TBC1D32: variants seen among roughly 807,000 people sequenced by gnomAD.
The protein encoded by TBC1D32 is protein broad-minded.
TBC1D32 carries 151 observed loss-of-function variants against 170.3 expected under a neutral mutation model. The observed-to-expected ratio is 0.89, with a 90% CI of 0.78 to 1.01. TBC1D32 has a LOEUF of 1.01. Among genes scored for constraint, TBC1D32 ranks in the 50% least tolerant of loss-of-function variants. The pLI, the probability that TBC1D32 is intolerant of heterozygous loss-of-function variation, is 0.00. For missense variants in TBC1D32, 1,464 were observed against 1,457.1 expected (o/e 1.00, Z -0.08); for synonymous variants, 498 against 488.0 (o/e 1.02, Z -0.27).
chr6:121,326,482 T>C (rs1299202201), intron 1 of TBC1D32, among the ~76,000 whole-genome samples: 1 of 152,228 alleles, frequency 6.6e-6, no homozygotes, highest in Admixed American at 6.5e-5. Flanking sequence ...TTATTATTTG[T>C]CATTTTAAAA....
At chr6:121,308,686 C>CTTTTTTTTT (rs67847088) in intron 4 of TBC1D32, among the ~76,000 whole-genome samples, 1,467 of 112,224 alleles carry the variant, frequency 0.013, 27 homozygotes, top group East Asian at 0.04. Flanking sequence ...AAGCTTACTT[C>CTTTTTTTTT]TTTTTTTTTT....
At chr6:121,175,764 G>A (rs1476619750) in intron 22 of TBC1D32, among the ~76,000 whole-genome samples, 1 of 152,056 alleles carries the variant, frequency 6.6e-6, no homozygotes, top group African/African-American at 2.4e-5. Context: ...AACAGGAAAA[G>A]CATTCCCATT....
At chr6:121,100,976 A>G (rs182014762) in intron 30 of TBC1D32, among the ~76,000 whole-genome samples, 202 of 152,294 alleles carry the variant, frequency 1.3e-3, no homozygotes, top group African/African-American at 4.7e-3. Context: ...CAAATAAACT[A>G]GAAAATCTAG....
intron 1 of TBC1D32, among the ~76,000 whole-genome samples, chr6:121,326,323 T>C (rs77067763): frequency 0.012 from 1,883 of 152,186 alleles, 39 homozygotes; most frequent in African/African-American, 0.043. Flanking sequence ...ATAGTAACAA[T>C]AATACATTAT....
At chr6:121,179,636 A>G (rs760996415) in intron 22 of TBC1D32, among the ~76,000 whole-genome samples, 7 of 152,164 alleles carry the variant, frequency 4.6e-5, no homozygotes, top group Non-Finnish European at 1.0e-4. Context: ...AAATATTTTA[A>G]AGACGTGCAT....
chr6:121,263,523 C>A (rs900243813), intron 15 of TBC1D32, among the ~76,000 whole-genome samples: 7 of 152,122 alleles, frequency 4.6e-5, no homozygotes, highest in Admixed American at 3.3e-4. Flanking sequence ...CAATATGAGA[C>A]AGTGGGGTAT....
chr6:121,119,227 T>A lies in TBC1D32; in HGVS notation c.2984-3986A>T, dbSNP rs374617355. Reference sequence around the variant, plus strand: ...CCAAGTAGCCAGCTGAAAAACTGTTTCTTTTATTTTCTACCTTACTATATG... The same window carrying A: ...CCAAGTAGCCAGCTGAAAAACTGTTACTTTTATTTTCTACCTTACTATATG... On this transcript the variant is annotated intron_variant, in intron 26 of 31. Transcript: ENST00000398212. Among the ~76,000 whole-genome samples the A allele has an allele frequency of 1.7e-4, 26 of 152,302 alleles. 1 individual carries two copies. In the South Asian group the frequency reaches 3.5e-3, roughly 21 times the overall value.
chr6:121,118,556 T>G (rs376777409), intron 26 of TBC1D32, among the ~76,000 whole-genome samples: 3 of 152,164 alleles, frequency 2.0e-5, no homozygotes, highest in African/African-American at 7.2e-5. Context: ...GTAGAAGAAA[T>G]TAAATCTATT....
At chr6:121,100,207 T>C (rs1582766556) in intron 30 of TBC1D32, among the ~76,000 whole-genome samples, 1 of 152,096 alleles carries the variant, frequency 6.6e-6, no homozygotes. Flanking sequence ...AATTTTGGAA[T>C]AAGTGCGATG....
chr6:121,128,427 C>G (rs1461004497), intron 25 of TBC1D32, among the ~76,000 whole-genome samples: 1 of 152,152 alleles, frequency 6.6e-6, no homozygotes, highest in Non-Finnish European at 1.5e-5. Context: ...AACAGCCTCA[C>G]TGTCAACCCA....
intron 31 of TBC1D32, among the ~76,000 whole-genome samples, chr6:121,085,334 TAC>T (rs1354340034): frequency 1.6e-5 from 2 of 128,432 alleles, no homozygotes; most frequent in East Asian, 2.4e-4. Context: ...TATATATACA[TAC>T]ATATATATAC....
At chr6:121,153,532 T>A (rs1365402911) in intron 24 of TBC1D32, among the ~76,000 whole-genome samples, 1 of 152,132 alleles carries the variant, frequency 6.6e-6, no homozygotes, top group Non-Finnish European at 1.5e-5. Flanking sequence ...TGCTTGGAGA[T>A]CCACTCCTCT....
At chr6:121,208,697 G>GA (rs2128308845) in intron 21 of TBC1D32, among the ~76,000 whole-genome samples, 1 of 112,168 alleles carries the variant, frequency 8.9e-6, no homozygotes, top group African/African-American at 3.2e-5. Flanking sequence ...GCACAAACTG[G>GA]ATTTATGTAG....
At chr6:121,205,298 T>TAAGAAG (rs774298734) in intron 21 of TBC1D32, 135 bp from the exon 22 acceptor site, 2 of 464,382 alleles carry the variant, frequency 4.3e-6, no homozygotes, top group African/African-American at 4.1e-5. Flanking sequence ...CTGTAAATAA[T>TAAGAAG]AAGAAGAAGA....
At position 121,170,514 on chromosome 6, in the gene TBC1D32, T is replaced by C. The variant is rs1465394673; in HGVS notation, c.2571-9458A>G. On this transcript the variant is annotated intron_variant, in intron 22 of 31. Coordinates refer to ENST00000398212, the MANE Select transcript of TBC1D32 (RefSeq NM_152730.6). ...AGAAGAGTGTCCAGATCACAGCATA[T>C]CACACTTAATAACCTATATAAAAAA... is the stretch of plus-strand genomic sequence containing the variant. The C allele has an allele frequency of 2.5e-6, 4 of 1,586,302 alleles. No homozygotes were observed. In the Admixed American group the frequency reaches 7.3e-5, roughly 29 times the overall value.
chr6:121,281,030 T>C (rs2128444705), intron 14 of TBC1D32, among the ~76,000 whole-genome samples: 1 of 151,962 alleles, frequency 6.6e-6, no homozygotes, highest in South Asian at 2.1e-4. Context: ...TCAGCCTCAG[T>C]TGTGATTATT....
At chr6:121,307,307 T>C (rs1354321141) in intron 5 of TBC1D32, among the ~76,000 whole-genome samples, 1 of 151,910 alleles carries the variant, frequency 6.6e-6, no homozygotes, top group Admixed American at 6.6e-5. Flanking sequence ...GTTTGGGAGG[T>C]TGAGGCTGAA....
At chr6:121,318,198 C>T (rs1261112466) in intron 2 of TBC1D32, among the ~76,000 whole-genome samples, 9 of 151,992 alleles carry the variant, frequency 5.9e-5, no homozygotes, top group East Asian at 3.9e-4. Context: ...AAGCTATCAA[C>T]GTGTCCTTTC....
chr6:121,096,629 A>AT (rs1178931365), intron 30 of TBC1D32, among the ~76,000 whole-genome samples: 2 of 152,184 alleles, frequency 1.3e-5, no homozygotes, highest in African/African-American at 4.8e-5. Flanking sequence ...GCCCAAAGTA[A>AT]TTTATAGATT....
Sources: gnomAD v4.1 joint callset for allele counts (sites outside exome capture counted in the v4.1 genomes callset) on GRCh38, gnomAD v4.1.1 for gene constraint, MANE v1.5 for transcripts, NCBI Gene and HGNC (gene_info 2026-07-23, HGNC 2026-07-21) for gene names.